The following RARB variants were observed in gnomAD, a reference collection of about 807,000 sequenced individuals.
RARB encodes the protein retinoic acid receptor beta.
In RARB, 17 loss-of-function variants were observed where a neutral mutation model predicts 51.9. That is an observed-to-expected ratio of 0.33 (90% CI 0.22 to 0.49). The LOEUF is 0.49. Among genes scored for constraint, RARB ranks in the 20% least tolerant of loss-of-function variants. The probability of loss-of-function intolerance (pLI) is 0.99; values close to 1 mark genes in which losing one functional copy is unlikely to be tolerated. For synonymous variants in RARB, 215 were observed against 195.4 expected (o/e 1.10, Z -0.84); for missense variants, 369 against 550.8 (o/e 0.67, Z 3.30).
chr3:24,865,716 A>G (rs1702835326), intron 2 of RARB, among the ~76,000 whole-genome samples: 1 of 152,202 alleles, frequency 6.6e-6, no homozygotes, highest in African/African-American at 2.4e-5. Context: ...GAATACAAAC[A>G]CAATTTGAGT....
At chr3:24,956,139 A>G (rs902162831) in intron 2 of RARB, among the ~76,000 whole-genome samples, 2 of 152,096 alleles carry the variant, frequency 1.3e-5, no homozygotes, top group African/African-American at 2.4e-5. Context: ...GAGCCTTTCC[A>G]TTTTCAAAGT....
chr3:24,997,825 T>G (rs1455961707), intron 2 of RARB, among the ~76,000 whole-genome samples: 1 of 152,198 alleles, frequency 6.6e-6, no homozygotes, highest in Non-Finnish European at 1.5e-5. Flanking sequence ...TTCTAAATAG[T>G]GAGTATAACA....
chr3:25,014,312 G>A (rs1050635095), intron 2 of RARB, among the ~76,000 whole-genome samples: 1 of 151,980 alleles, frequency 6.6e-6, no homozygotes, highest in Admixed American at 6.6e-5. Flanking sequence ...GTTCTGGGCC[G>A]AGGCCTCAAG....
At chr3:25,261,724 C>T (rs73045981) in intron 5 of RARB, among the ~76,000 whole-genome samples, 12,781 of 152,136 alleles carry the variant, frequency 0.084, 705 homozygotes, top group Non-Finnish European at 0.13. Flanking sequence ...GTATCTCACT[C>T]GAGGGCACCT....
chr3:24,868,057 G>A (rs189447870), intron 2 of RARB, among the ~76,000 whole-genome samples: 452 of 152,132 alleles, frequency 3.0e-3, no homozygotes, highest in African/African-American at 0.01. Context: ...AGAAAAAACG[G>A]GGCTTGATAT....
At chr3:25,541,688 A>G (rs758707488) in intron 3 of RARB, among the ~76,000 whole-genome samples, 2 of 152,212 alleles carry the variant, frequency 1.3e-5, no homozygotes, top group Non-Finnish European at 2.9e-5. Flanking sequence ...ACTTCTTTCT[A>G]GTCCATTGGC....
intron 3 of RARB, among the ~76,000 whole-genome samples, chr3:25,075,429 G>A (rs141598139): frequency 1.3e-5 from 2 of 152,266 alleles, no homozygotes; most frequent in Admixed American, 1.3e-4. Flanking sequence ...AGTGGCAAAA[G>A]AGCAGAAAGA....
chr3:25,303,879 C>A (rs1255013233), intron 5 of RARB, among the ~76,000 whole-genome samples: 1 of 152,120 alleles, frequency 6.6e-6, no homozygotes, highest in Non-Finnish European at 1.5e-5. Context: ...AGATGAAATG[C>A]AACTGTGGGT....
intron 5 of RARB, among the ~76,000 whole-genome samples, chr3:25,303,716 G>A (rs764676604): frequency 4.6e-5 from 7 of 152,048 alleles, no homozygotes; most frequent in African/African-American, 1.7e-4. Context: ...TGAAACTGGG[G>A]GACAATAAAA....
intron 5 of RARB, among the ~76,000 whole-genome samples, chr3:25,203,736 C>G (rs1004812168): frequency 2.6e-5 from 4 of 152,200 alleles, no homozygotes; most frequent in African/African-American, 7.2e-5. Context: ...AAATTCTTTT[C>G]TTTAAGAATG....
intron 5 of RARB, among the ~76,000 whole-genome samples, chr3:25,213,049 T>A (rs1174376266): frequency 6.6e-6 from 1 of 152,156 alleles, no homozygotes; most frequent in African/African-American, 2.4e-5. Context: ...TGCTTTGCTT[T>A]TTTTTCCTTG....
At chr3:25,241,644 C>A (rs1702433790) in intron 5 of RARB, among the ~76,000 whole-genome samples, 1 of 152,190 alleles carries the variant, frequency 6.6e-6, no homozygotes, top group Admixed American at 6.5e-5. Context: ...AGGACATGAA[C>A]TCATTCTTTT....
intron 3 of RARB, among the ~76,000 whole-genome samples, chr3:25,519,047 T>C (rs763225711): frequency 2.0e-5 from 3 of 152,210 alleles, no homozygotes; most frequent in Non-Finnish European, 4.4e-5. Context: ...GTATGCTCTT[T>C]TGTGTCTAGC....
chr3:25,299,067 C>A (rs1038714287), intron 5 of RARB, among the ~76,000 whole-genome samples: 2 of 152,174 alleles, frequency 1.3e-5, no homozygotes, highest in Non-Finnish European at 2.9e-5. Context: ...CTTGTTCTTA[C>A]AAGGTCAGTG....
intron 2 of RARB, among the ~76,000 whole-genome samples, chr3:24,991,443 C>CAAAAAAA (rs371185277): frequency 0.11 from 14,712 of 137,732 alleles, 890 homozygotes; most frequent in Middle Eastern, 0.19. Context: ...AACTCTGTCT[C>CAAAAAAA]AAAAAAAAAA....
At chr3:25,071,652 A>T (rs1698768097) in intron 3 of RARB, among the ~76,000 whole-genome samples, 1 of 152,234 alleles carries the variant, frequency 6.6e-6, no homozygotes, top group African/African-American at 2.4e-5. Flanking sequence ...GGAGAATAGT[A>T]ATGAATTATG....
At chr3:25,159,557 C>G (rs1414096636) in intron 4 of RARB, among the ~76,000 whole-genome samples, 1 of 152,128 alleles carries the variant, frequency 6.6e-6, no homozygotes, top group Non-Finnish European at 1.5e-5. Flanking sequence ...AAAAGTGCCA[C>G]TTGGAAATAT....
chr3:25,037,354 C>G (rs1698019174), intron 2 of RARB, among the ~76,000 whole-genome samples: 1 of 150,878 alleles, frequency 6.6e-6, no homozygotes, highest in African/African-American at 2.4e-5. Context: ...AAGTCAAATT[C>G]AGGGCAAACA....
chr3:24,964,629 G>T (rs374149143), intron 2 of RARB, among the ~76,000 whole-genome samples: 2 of 152,192 alleles, frequency 1.3e-5, no homozygotes, highest in Non-Finnish European at 2.9e-5. Context: ...TGATGCTTAT[G>T]CATGCCCTGT....
Sources: allele counts gnomAD v4.1 joint callset (sites outside exome capture counted in the v4.1 genomes callset), GRCh38; gene constraint gnomAD v4.1.1; transcripts MANE v1.5; gene names NCBI Gene and HGNC (gene_info 2026-07-23, HGNC 2026-07-21).